TMEM132D: variants seen among roughly 807,000 people sequenced by gnomAD.
TMEM132D encodes the protein mature OL transmembrane protein.
A neutral mutation model predicts 62.3 loss-of-function variants in TMEM132D; 21 were observed. That is an observed-to-expected ratio of 0.34 (90% confidence interval 0.24 to 0.49). The LOEUF is 0.49. Among genes scored for constraint, TMEM132D ranks in the 20% least tolerant of loss-of-function variants. The pLI is 0.99. For missense variants in TMEM132D, 1,346 were observed against 1,402.8 expected (o/e 0.96, Z 0.65); for synonymous variants, 621 against 575.6 (o/e 1.08, Z -1.13).
intron 4 of TMEM132D, among the ~76,000 whole-genome samples, chr12:129,276,953 C>G (rs11060231): frequency 0.028 from 4,204 of 152,266 alleles, 179 homozygotes; most frequent in East Asian, 0.2. Flanking sequence ...ACCAGGTGCC[C>G]TTCGTGACTG....
At chr12:129,370,066 G>A (rs1870547135) in intron 3 of TMEM132D, among the ~76,000 whole-genome samples, 2 of 152,186 alleles carry the variant, frequency 1.3e-5, no homozygotes, top group Admixed American at 1.3e-4. Context: ...ATAGAATATA[G>A]GGTCAGTGTC....
chr12:129,680,970 G>C (rs1354833779), intron 2 of TMEM132D, among the ~76,000 whole-genome samples: 2 of 152,190 alleles, frequency 1.3e-5, no homozygotes, highest in African/African-American at 2.4e-5. Flanking sequence ...GAATTATCCT[G>C]ACTCCACCCC....
chr12:129,623,103 T>C (rs1042059232), intron 2 of TMEM132D, among the ~76,000 whole-genome samples: 2 of 152,100 alleles, frequency 1.3e-5, no homozygotes, highest in Admixed American at 6.6e-5. Flanking sequence ...AAGGATAGCA[T>C]TGGATTCATG....
At chr12:129,889,266 T>C (rs1874844817) in intron 1 of TMEM132D, among the ~76,000 whole-genome samples, 1 of 152,304 alleles carries the variant, frequency 6.6e-6, no homozygotes, top group Admixed American at 6.5e-5. Flanking sequence ...GATACCTATA[T>C]GTTCTTCTAC....
chr12:129,420,557 C>T (rs1236282240), intron 3 of TMEM132D, among the ~76,000 whole-genome samples: 1 of 152,070 alleles, frequency 6.6e-6, no homozygotes, highest in Non-Finnish European at 1.5e-5. Context: ...AAAAGGAAAG[C>T]AATTTCTTGT....
rs531639432 is a variant in TMEM132D, at chr12:129,253,869, G to A, written c.1300-44206C>T. On this transcript the variant is annotated intron_variant, in intron 4 of 8. Transcript: ENST00000422113. ...TAACATGGGGAGAAATACAGGCACA[G>A]TAGCAAAAAATTAACTTCCTACCAA... is the stretch of plus-strand genomic sequence containing the variant. Among the ~76,000 whole-genome samples the A allele has an allele frequency of 2.0e-5, 3 of 152,270 alleles. No homozygotes were observed. The South Asian group carries it at 6.2e-4, about 32-fold the overall frequency.
chr12:129,874,179 A>T (rs1273690508), intron 1 of TMEM132D, among the ~76,000 whole-genome samples: 6 of 152,354 alleles, frequency 3.9e-5, no homozygotes, highest in Middle Eastern at 3.4e-3. Flanking sequence ...AAATACGATA[A>T]ATATGTGAGG....
At chr12:129,512,054 T>C (rs1457050574) in intron 3 of TMEM132D, among the ~76,000 whole-genome samples, 1 of 152,208 alleles carries the variant, frequency 6.6e-6, no homozygotes, top group Admixed American at 6.5e-5. Context: ...TGTTTTTTGT[T>C]TTACCGTACA....
chr12:129,608,001 G>A (rs374206302), intron 2 of TMEM132D, among the ~76,000 whole-genome samples: 111 of 152,324 alleles, frequency 7.3e-4, no homozygotes, highest in South Asian at 5.4e-3. Flanking sequence ...ACAGATCAGC[G>A]TTGTTTCTGT....
intron 3 of TMEM132D, among the ~76,000 whole-genome samples, chr12:129,433,285 G>A (rs753211111): frequency 2.4e-4 from 36 of 152,154 alleles, no homozygotes; most frequent in Non-Finnish European, 2.4e-4. Context: ...AAGTAAAATT[G>A]CTGAGTAATT....
chr12:129,077,549 AC>A (rs1231715774), intron 8 of TMEM132D, among the ~76,000 whole-genome samples: 1 of 152,108 alleles, frequency 6.6e-6, no homozygotes, highest in Non-Finnish European at 1.5e-5. Flanking sequence ...CACATGCATC[AC>A]ACACATACAC....
chr12:129,624,063 G>A (rs1010972324), intron 2 of TMEM132D, among the ~76,000 whole-genome samples: 1 of 152,132 alleles, frequency 6.6e-6, no homozygotes. Flanking sequence ...AATAATACAT[G>A]AGTGACTTAG....
chr12:129,103,980 AGATTCAAT>A (rs1875401930), intron 5 of TMEM132D, among the ~76,000 whole-genome samples: 1 of 152,176 alleles, frequency 6.6e-6, no homozygotes, highest in African/African-American at 2.4e-5. Context: ...GGTAATTTAC[AGATTCAAT>A]GCCATCCCCA....
chr12:129,238,997 T>G (rs73148845), intron 4 of TMEM132D, among the ~76,000 whole-genome samples: 32 of 65,204 alleles, frequency 4.9e-4, no homozygotes, highest in African/African-American at 7.3e-4. Context: ...TTATTTTCTG[T>G]TTTTTTTTTT....
Position 129,678,266 on chromosome 12 carries a change from C to T in TMEM132D, c.968+21544G>A, listed in dbSNP as rs577815678. ...TTGTACCATTTGTTTCTCCTACCAG[C>T]AATAATATTATGGTTTCCTTTTTCC... On this transcript the variant is annotated intron_variant, in intron 2 of 8. Coordinates refer to ENST00000422113, the MANE Select transcript of TMEM132D (RefSeq NM_133448.3). 3.9e-5 allele frequency among the ~76,000 whole-genome samples: 6 copies of T among 152,232 alleles called. No individual in the cohort carries two copies. In the East Asian group the frequency reaches 9.7e-4, roughly 25 times the overall value.
intron 5 of TMEM132D, among the ~76,000 whole-genome samples, chr12:129,176,700 G>A (rs1877915652): frequency 6.6e-6 from 1 of 152,232 alleles, no homozygotes; most frequent in South Asian, 2.1e-4. Context: ...GACATGAAAT[G>A]TCTTCCTGTT....
chr12:129,877,613 G>GCGCACACA (rs1555238201), intron 1 of TMEM132D, among the ~76,000 whole-genome samples: 1 of 144,308 alleles, frequency 6.9e-6, no homozygotes, highest in Admixed American at 6.9e-5. Context: ...GCGCGCGCGC[G>GCGCACACA]CACACACACA....
intron 4 of TMEM132D, among the ~76,000 whole-genome samples, chr12:129,290,309 C>T (rs1186339747): frequency 6.6e-6 from 1 of 152,024 alleles, no homozygotes; most frequent in Admixed American, 6.6e-5. Flanking sequence ...AAGGGCATCC[C>T]GACCACCTAG....
intron 3 of TMEM132D, among the ~76,000 whole-genome samples, chr12:129,453,881 T>C (rs181272801): frequency 1.0e-3 from 155 of 152,334 alleles, no homozygotes; most frequent in Non-Finnish European, 2.0e-3. Context: ...ATGTTCTGTT[T>C]GGTGTCACCT....
Sources: gnomAD v4.1 joint callset for allele counts (sites outside exome capture counted in the v4.1 genomes callset) on GRCh38, gnomAD v4.1.1 for gene constraint, MANE v1.5 for transcripts, NCBI Gene and HGNC (gene_info 2026-07-23, HGNC 2026-07-21) for gene names.